INSIG2: variants seen among roughly 807,000 people sequenced by gnomAD.
The protein encoded by INSIG2 is insulin-induced gene 2 protein.
In INSIG2, 10 loss-of-function variants were observed where a neutral mutation model predicts 27.2. That is an observed-to-expected ratio of 0.37 (90% CI 0.23 to 0.62). The LOEUF (loss-of-function observed/expected upper bound fraction) is 0.62, where lower values mean the gene tolerates loss of function less well. Ranked by LOEUF, INSIG2 falls within the 20% of genes least tolerant of loss-of-function variation. The probability of loss-of-function intolerance (pLI) is 0.65; values close to 1 mark genes in which losing one functional copy is unlikely to be tolerated. For missense variants in INSIG2, 178 were observed against 270.2 expected (o/e 0.66, Z 2.39); for synonymous variants, 97 against 95.8 (o/e 1.01, Z -0.07).
chr2:118,107,873 A>G (rs1040283041), intron 5 of INSIG2, among the ~76,000 whole-genome samples: 2 of 152,170 alleles, frequency 1.3e-5, no homozygotes, highest in Non-Finnish European at 2.9e-5. Flanking sequence ...AGCAATTTGA[A>G]AATACAGTGA....
At chr2:118,099,360 C>G (rs918037315) in intron 2 of INSIG2, among the ~76,000 whole-genome samples, 6 of 152,164 alleles carry the variant, frequency 3.9e-5, no homozygotes, top group African/African-American at 1.4e-4. Context: ...TTATTTGCCA[C>G]CTTTCTCTAT....
chr2:118,109,104 A>G lies in INSIG2; in HGVS notation c.*782A>G, dbSNP rs1375808680. 7 of 152,262 alleles carry G rather than the reference A, an allele frequency of 4.6e-5. No homozygotes were observed. Among genetic ancestry groups the G allele is most frequent in the Non-Finnish European group, 8.8e-5 (6 of 68,052 alleles). 9.4% of individuals were successfully genotyped at this position (152,262 alleles called of 1,614,324 possible). ...TAGAGGATTTAATTAGAATAAATAC[A>G]TGTTTTGGAAATACAGTGACCTCTT... On this transcript the variant is annotated 3_prime_UTR_variant, in exon 6 of 6. Transcript: ENST00000245787.
intron 1 of INSIG2, among the ~76,000 whole-genome samples, chr2:118,094,109 A>C (rs1447502853): frequency 1.8e-5 from 1 of 56,262 alleles, no homozygotes; most frequent in East Asian, 6.0e-4. Flanking sequence ...GATGATGAGG[A>C]GGAGGAGGAG....
chr2:118,098,741 A>G (rs907127926), intron 2 of INSIG2, among the ~76,000 whole-genome samples: 1 of 152,230 alleles, frequency 6.6e-6, no homozygotes, highest in Non-Finnish European at 1.5e-5. Context: ...TTTAGGAAGG[A>G]AAATTTCAAA....
intron 1 of INSIG2, among the ~76,000 whole-genome samples, chr2:118,092,055 C>G (rs574855843): frequency 6.6e-6 from 1 of 152,316 alleles, no homozygotes; most frequent in East Asian, 1.9e-4. Flanking sequence ...TGGGGGCTAG[C>G]ATGACTGAAA....
chr2:118,091,225 T>C (rs1678217614), intron 1 of INSIG2, among the ~76,000 whole-genome samples: 1 of 152,184 alleles, frequency 6.6e-6, no homozygotes, highest in Admixed American at 6.5e-5. Context: ...ACTCCTCTAG[T>C]GTGCAACTGA....
chr2:118,096,110 C>T (rs1678398563), intron 1 of INSIG2, among the ~76,000 whole-genome samples: 1 of 152,150 alleles, frequency 6.6e-6, no homozygotes, highest in South Asian at 2.1e-4. Context: ...GTCAGATTAC[C>T]TGTTCTGCTT....
rs1313701209 is a variant in INSIG2 at position 118,096,606 on chromosome 2, A to G, written c.50A>G (p.Tyr17Cys). The change falls in exon 2 of 6, where the codon TAT (tyrosine) becomes TGT (cysteine). Residue 17 changes from tyrosine (Y) to cysteine (C), a missense_variant. By Grantham distance (194) the Tyr-to-Cys change is radical (BLOSUM62 -2). Coordinates refer to ENST00000245787, the MANE Select transcript of INSIG2 (RefSeq NM_016133.4). ...CCTGGGCCCAAAAAGTGTGGCCCAT[A>G]TATTTCATCTGTCACTAGCCAGAGT... The part of the protein sequence containing the change: ...ESPGPKKCGP[Y>C]ISSVTSQSVN... 1 of 1,613,876 alleles carries G rather than the reference A, an allele frequency of 6.2e-7. No homozygotes were observed. The highest frequency in any genetic ancestry group is 2.2e-5 in the East Asian group (1 of 44,870).
chr2:118,108,584 G>A lies in INSIG2; in HGVS notation c.*262G>A, dbSNP rs1678735023. 3.5e-6 allele frequency: 1 copy of A among 289,334 alleles called. No homozygotes were observed. The highest frequency in any genetic ancestry group is 1.0e-4 in the South Asian group (1 of 9,902). The allele number at this position is 289,334 out of a possible 1,614,324, so 17.9% of individuals were successfully genotyped here. ...ATATATATGTACTACATTAAAAAGT[G>A]TTGATTAATAGATGAAATTTTTAAA... On this transcript the variant is annotated 3_prime_UTR_variant, in exon 6 of 6. Coordinates refer to ENST00000245787, the MANE Select transcript of INSIG2 (RefSeq NM_016133.4).
At chr2:118,101,739 C>T (rs1051167737) in intron 2 of INSIG2, among the ~76,000 whole-genome samples, 5 of 152,086 alleles carry the variant, frequency 3.3e-5, no homozygotes, top group African/African-American at 1.2e-4. Context: ...GATTTTGGAG[C>T]AGATTTTTAA....
Position 118,106,810 on chromosome 2 carries a change from T to C in INSIG2, c.443T>C (p.Phe148Ser). Residue 148 changes from phenylalanine (F) to serine (S), a missense_variant, in exon 4 of 6, where the codon TTT (phenylalanine) becomes TCT (serine). Transcript: ENST00000245787. ...AALSIGLWWT[F>S]DRSRSGFGLG... ...CTATCCATTGGACTGTGGTGGACTT[T>C]TGATAGATCTAGAAGTGGTTTTGGC... is the stretch of plus-strand genomic sequence containing the variant. 1.2e-6 allele frequency: 2 copies of C among 1,614,142 alleles called. No individual in the cohort carries two copies. The highest frequency in any genetic ancestry group is 1.7e-6 in the Non-Finnish European group (2 of 1,179,960).
intron 2 of INSIG2, among the ~76,000 whole-genome samples, chr2:118,099,581 T>C (rs1019304355): frequency 2.5e-4 from 38 of 152,336 alleles, no homozygotes; most frequent in Non-Finnish European, 5.0e-4. Flanking sequence ...AAGAAATCTT[T>C]CTAAAGAATA....
At chr2:118,106,466 A>G (rs1323971378) in intron 3 of INSIG2, among the ~76,000 whole-genome samples, 2 of 152,134 alleles carry the variant, frequency 1.3e-5, no homozygotes, top group East Asian at 3.8e-4. Flanking sequence ...ATGTATGTAG[A>G]CTGTTCTTTT....
chr2:118,103,926 G>T (rs527625330), intron 3 of INSIG2, among the ~76,000 whole-genome samples: 1 of 152,250 alleles, frequency 6.6e-6, no homozygotes, highest in South Asian at 2.1e-4. Flanking sequence ...TATTTTTACA[G>T]TGTCTCAGGT....
intron 1 of INSIG2, among the ~76,000 whole-genome samples, chr2:118,095,141 G>A (rs1678376773): frequency 6.6e-6 from 1 of 152,204 alleles, no homozygotes; most frequent in African/African-American, 2.4e-5. Context: ...GTCATTATAA[G>A]TGCTACACTT....
Position 118,103,245 on chromosome 2 carries a change from C to T in INSIG2, c.293C>T (p.Pro98Leu). The T allele has an allele frequency of 1.2e-6, 2 of 1,613,688 alleles. No individual in the cohort carries two copies. The highest frequency in any genetic ancestry group is 2.2e-5 in the South Asian group (2 of 91,062). ...TGCATTGACAGACATCTAGGAGAAC[C>T]ACATAAATTTAAAAGAGAGTGGTCC... ...YPCIDRHLGE[P>L]HKFKREWSSV... is the part of the protein sequence containing the mutation. The change falls in exon 3 of 6, where the codon CCA becomes CTA. Residue 98 changes from proline to leucine, a missense_variant. By Grantham distance (98) the Pro-to-Leu change is moderately conservative. Transcript: ENST00000245787.
At position 118,103,948 on chromosome 2, in the gene INSIG2, C is replaced by G. The variant is rs545799810; in HGVS notation, c.369+627C>G. ...ACAGTGTCTCAGGTAGCCCCTATTC[C>G]CCTTCCCCTTTCTACCTTCTCTGCC... On this transcript the variant is annotated intron_variant, in intron 3 of 5. Transcript: ENST00000245787. Among the ~76,000 whole-genome samples the G allele has an allele frequency of 2.0e-5, 3 of 152,224 alleles. No individual in the cohort carries two copies. The South Asian group carries it at 6.2e-4, about 32-fold the overall frequency.
intron 1 of INSIG2, among the ~76,000 whole-genome samples, chr2:118,092,737 A>G (rs1016805525): frequency 1.3e-5 from 2 of 152,172 alleles, no homozygotes; most frequent in African/African-American, 4.8e-5. Context: ...TGTTTTGAAG[A>G]GTAGAGTTAC....
intron 2 of INSIG2, among the ~76,000 whole-genome samples, chr2:118,098,009 A>G (rs1368463342): frequency 6.6e-6 from 1 of 152,238 alleles, no homozygotes; most frequent in Non-Finnish European, 1.5e-5. Context: ...AAGTGAAGTC[A>G]TGAAGGCAGT....
Sources: allele counts gnomAD v4.1 joint callset (sites outside exome capture counted in the v4.1 genomes callset), GRCh38; gene constraint gnomAD v4.1.1; transcripts MANE v1.5; gene names NCBI Gene and HGNC (gene_info 2026-07-23, HGNC 2026-07-21).